The following OXR1 variants were observed in gnomAD, a reference collection of about 807,000 sequenced individuals.
OXR1 encodes the protein oxidation resistance protein 1.
In OXR1, 41 loss-of-function variants were observed where a neutral mutation model predicts 104.6. That is an observed-to-expected ratio of 0.39 (90% confidence interval 0.31 to 0.51). The LOEUF is 0.51. Ranked by LOEUF, OXR1 falls within the 20% of genes least tolerant of loss-of-function variation. The probability of loss-of-function intolerance (pLI) is 0.77; values close to 1 mark genes in which losing one functional copy is unlikely to be tolerated. For synonymous variants in OXR1, 348 were observed against 348.4 expected (o/e 1.00, Z 0.01); for missense variants, 955 against 1,031.9 (o/e 0.93, Z 1.02).
intron 2 of OXR1, among the ~76,000 whole-genome samples, chr8:106,401,684 TC>T (rs938728476): frequency 2.6e-5 from 4 of 152,100 alleles, no homozygotes; most frequent in African/African-American, 9.7e-5. Context: ...TTATCCTTCA[TC>T]TCAGAAGAGA....
intron 2 of OXR1, among the ~76,000 whole-genome samples, chr8:106,476,181 T>C (rs1331859577): frequency 1.3e-5 from 2 of 151,988 alleles, no homozygotes; most frequent in African/African-American, 4.8e-5. Context: ...GACCTTCTGA[T>C]CTAGAGGCTG....
At chr8:106,612,221 G>T (rs1249163662) in intron 3 of OXR1, among the ~76,000 whole-genome samples, 1 of 151,876 alleles carries the variant, frequency 6.6e-6, no homozygotes, top group Non-Finnish European at 1.5e-5. Context: ...TTGTGTGAAA[G>T]AAATGTAAAT....
At chr8:106,386,893 T>TA (rs1460990648) in intron 2 of OXR1, among the ~76,000 whole-genome samples, 4 of 152,194 alleles carry the variant, frequency 2.6e-5, no homozygotes, top group African/African-American at 9.7e-5. Flanking sequence ...AGCAGACTTT[T>TA]AAAAAAGGCT....
At chr8:106,554,174 A>C (rs1190559557) in intron 3 of OXR1, among the ~76,000 whole-genome samples, 3 of 152,194 alleles carry the variant, frequency 2.0e-5, no homozygotes, top group African/African-American at 7.2e-5. Flanking sequence ...GTAATAAGAC[A>C]TATCAACATC....
At chr8:106,481,127 TGTG>T (rs1822088365) in intron 2 of OXR1, among the ~76,000 whole-genome samples, 1 of 151,970 alleles carries the variant, frequency 6.6e-6, no homozygotes, top group Admixed American at 6.6e-5. Context: ...AAATTTATGT[TGTG>T]CTGATCATAA....
Position 106,657,881 on chromosome 8 carries a change from T to TC in OXR1, c.221-21325dup, listed in dbSNP as rs1428495594. 10 of 1,242,424 alleles carry TC rather than the reference T, an allele frequency of 8.0e-6. No individual in the cohort carries two copies. The Admixed American group carries it at 3.4e-4, about 42-fold the overall frequency. 77.0% of individuals were successfully genotyped at this position (1,242,424 alleles called of 1,614,324 possible). Reference sequence around the variant, plus strand: ...CTCTTGTGAGGCGCGCGGAGCCGCCTCCCCTGGGTCAGGTCTGATGGGCCG... The same window carrying TC: ...CTCTTGTGAGGCGCGCGGAGCCGCCTCCCCCTGGGTCAGGTCTGATGGGCCG... On this transcript the variant is annotated intron_variant, in intron 3 of 16. Coordinates refer to ENST00000517566, the MANE Select transcript of OXR1 (RefSeq NM_001198533.2).
At chr8:106,696,084 T>C (rs1830003422) in intron 7 of OXR1, among the ~76,000 whole-genome samples, 1 of 152,226 alleles carries the variant, frequency 6.6e-6, no homozygotes, top group South Asian at 2.1e-4. Context: ...TTAGTTTCAT[T>C]GGGCTGAAAA....
intron 8 of OXR1, among the ~76,000 whole-genome samples, chr8:106,704,998 C>T (rs1335343336): frequency 6.6e-6 from 1 of 152,086 alleles, no homozygotes; most frequent in African/African-American, 2.4e-5. Flanking sequence ...GTCTTATGCT[C>T]CTTGGGAGGT....
chr8:106,435,232 G>A (rs886191445), intron 2 of OXR1, among the ~76,000 whole-genome samples: 17 of 152,170 alleles, frequency 1.1e-4, no homozygotes, highest in African/African-American at 4.1e-4. Flanking sequence ...TGGTTGGTGA[G>A]GTTGGCATGA....
intron 2 of OXR1, among the ~76,000 whole-genome samples, chr8:106,492,711 G>T (rs965579560): frequency 6.6e-6 from 1 of 152,088 alleles, no homozygotes; most frequent in African/African-American, 2.4e-5. Context: ...CAGGTATTTG[G>T]GGTATAAGAA....
intron 1 of OXR1, among the ~76,000 whole-genome samples, chr8:106,291,600 A>G (rs1812754126): frequency 6.6e-6 from 1 of 152,214 alleles, no homozygotes; most frequent in Non-Finnish European, 1.5e-5. Flanking sequence ...AAAATATTAA[A>G]TGGAAAATTC....
chr8:106,725,009 G>A (rs932281676), intron 11 of OXR1, among the ~76,000 whole-genome samples: 4 of 152,212 alleles, frequency 2.6e-5, no homozygotes, highest in Non-Finnish European at 1.5e-5. Flanking sequence ...GCTGATGGTT[G>A]TTAGGAGAGT....
chr8:106,519,431 A>G (rs1813096532), intron 3 of OXR1, among the ~76,000 whole-genome samples: 1 of 152,170 alleles, frequency 6.6e-6, no homozygotes, highest in Non-Finnish European at 1.5e-5. Context: ...TCTCTCTCTT[A>G]GGTTTTTCAA....
intron 6 of OXR1, among the ~76,000 whole-genome samples, chr8:106,689,065 TATC>T (rs1249189701): frequency 3.3e-5 from 5 of 152,230 alleles, no homozygotes; most frequent in Admixed American, 3.3e-4. Context: ...TTCCTAGTAT[TATC>T]ATAACAAAGG....
intron 2 of OXR1, among the ~76,000 whole-genome samples, chr8:106,437,457 A>G (rs1213165025): frequency 6.6e-6 from 1 of 152,150 alleles, no homozygotes; most frequent in Non-Finnish European, 1.5e-5. Flanking sequence ...CTTTTACACC[A>G]ATGCAACTGG....
At chr8:106,305,875 C>T (rs1439862171) in intron 1 of OXR1, among the ~76,000 whole-genome samples, 2 of 152,106 alleles carry the variant, frequency 1.3e-5, no homozygotes, top group East Asian at 1.9e-4. Context: ...AACTCAAAGC[C>T]ACAGTTTTAT....
intron 1 of OXR1, among the ~76,000 whole-genome samples, chr8:106,320,525 G>C (rs980622476): frequency 4.6e-5 from 7 of 152,042 alleles, no homozygotes; most frequent in African/African-American, 1.7e-4. Flanking sequence ...TTAGGTTTTA[G>C]GGCAAAGTAG....
At chr8:106,588,021 G>A (rs1263281513) in intron 3 of OXR1, among the ~76,000 whole-genome samples, 6 of 151,060 alleles carry the variant, frequency 4.0e-5, no homozygotes, top group Non-Finnish European at 7.4e-5. Context: ...GCACAATCTC[G>A]GCTCACTGCA....
At chr8:106,729,434 A>T (rs1226385673) in intron 11 of OXR1, among the ~76,000 whole-genome samples, 1 of 152,096 alleles carries the variant, frequency 6.6e-6, no homozygotes, top group African/African-American at 2.4e-5. Flanking sequence ...CATAAAATGT[A>T]AAGTATTTCC....
Sources: allele counts gnomAD v4.1 joint callset (sites outside exome capture counted in the v4.1 genomes callset), GRCh38; gene constraint gnomAD v4.1.1; transcripts MANE v1.5; gene names NCBI Gene and HGNC (gene_info 2026-07-23, HGNC 2026-07-21).